Variants in DNAH7 observed in about 807,000 individuals in gnomAD.
DNAH7 encodes dynein axonemal heavy chain 7, also known as axonemal beta dynein heavy chain 7.
Under a neutral mutation model 444.6 loss-of-function variants are expected in DNAH7, and 397 were observed. The ratio of observed to expected loss-of-function variants is 0.89; its 90% CI spans 0.82 to 0.97. The LOEUF (loss-of-function observed/expected upper bound fraction) is 0.97. DNAH7 is among the 50% of genes least tolerant of loss of function. The pLI is 0.00. For synonymous variants in DNAH7, 1,636 were observed against 1,624.4 expected (o/e 1.01, Z -0.17); for missense variants, 4,902 against 4,800.8 (o/e 1.02, Z -0.62).
intron 18 of DNAH7, among the ~76,000 whole-genome samples, chr2:195,959,085 T>TAA (rs1317182789): frequency 8.9e-4 from 136 of 152,012 alleles, no homozygotes; most frequent in African/African-American, 2.8e-3. Flanking sequence ...ATTAATTAAT[T>TAA]TAATTAAATA....
intron 46 of DNAH7, 65 bp downstream of exon 46, chr2:195,853,278 C>A: frequency 4.9e-6 from 7 of 1,435,828 alleles, no homozygotes; most frequent in African/African-American, 1.4e-5. Flanking sequence ...TAAAACAAAA[C>A]CTTGAAGGGT....
rs1559196248 is a variant in DNAH7 at position 195,895,063 on chromosome 2, A to G, written c.4809T>C (p.His1603=). The G allele has an allele frequency of 1.2e-6, 2 of 1,613,618 alleles. No homozygotes were observed. Among genetic ancestry groups the G allele is most frequent in the African/African-American group, 2.7e-5 (2 of 75,048 alleles). The change falls in exon 30 of 65, where the codon CAT becomes CAC. Residue 1603 remains histidine, a synonymous_variant. Transcript: ENST00000312428. ...ATGGTTCTCCAACAATCATAAAACCATGACGCACAATCATCATTTCATATA... is the reference window on the plus strand; with the variant it reads ...ATGGTTCTCCAACAATCATAAAACCGTGACGCACAATCATCATTTCATATA... ...LQVYEMMIVR[H]GFMIVGEPFG...
intron 58 of DNAH7, among the ~76,000 whole-genome samples, chr2:195,778,633 T>TAA (rs1187749777): frequency 7.6e-4 from 23 of 30,290 alleles, no homozygotes; most frequent in East Asian, 3.3e-3. Context: ...AAAAAAAAAA[T>TAA]AAATAAATAA....
chr2:195,865,366 AGTACCCAGGGG>A (rs1480840073), intron 40 of DNAH7, among the ~76,000 whole-genome samples: 1 of 152,222 alleles, frequency 6.6e-6, no homozygotes, highest in Admixed American at 6.5e-5. Flanking sequence ...GCTGGGCACC[AGTACCCAGGGG>A]GTACCCAACA....
At chr2:195,928,555 T>C (rs1688488743) in intron 21 of DNAH7, among the ~76,000 whole-genome samples, 1 of 152,146 alleles carries the variant, frequency 6.6e-6, no homozygotes, top group African/African-American at 2.4e-5. Flanking sequence ...TGAAAACTCA[T>C]CTTCTTTGGC....
intron 12 of DNAH7, among the ~76,000 whole-genome samples, chr2:195,998,163 T>C (rs1404479326): frequency 6.6e-6 from 1 of 152,160 alleles, no homozygotes; most frequent in Non-Finnish European, 1.5e-5. Context: ...TCCTGAGAAG[T>C]TTCAATTAAC....
intron 63 of DNAH7, among the ~76,000 whole-genome samples, chr2:195,754,102 T>G (rs1223299792): frequency 1.3e-5 from 2 of 152,190 alleles, no homozygotes; most frequent in Non-Finnish European, 2.9e-5. Context: ...TCATCTACTG[T>G]TATCATTTTC....
chr2:195,949,833 G>A (rs928400914), intron 19 of DNAH7, among the ~76,000 whole-genome samples: 2 of 152,136 alleles, frequency 1.3e-5, no homozygotes, highest in Non-Finnish European at 2.9e-5. Context: ...TTTTATCAAA[G>A]GTCTTTTCTG....
chr2:196,042,987 T>C (rs1036027804), intron 5 of DNAH7, among the ~76,000 whole-genome samples: 2 of 152,058 alleles, frequency 1.3e-5, no homozygotes, highest in Non-Finnish European at 2.9e-5. Context: ...ATTGCAGTTA[T>C]ATGAAATTTT....
chr2:195,894,197 T>C (rs536783014), intron 30 of DNAH7: 1 of 152,278 alleles, frequency 6.6e-6, no homozygotes, highest in East Asian at 1.9e-4. Context: ...AAGCTATTTA[T>C]TCTCTATAGA....
At chr2:195,975,731 C>A (rs963903897) in intron 15 of DNAH7, among the ~76,000 whole-genome samples, 3 of 152,134 alleles carry the variant, frequency 2.0e-5, no homozygotes, top group Non-Finnish European at 4.4e-5. Context: ...TCAGCCACAG[C>A]AGGATAGGGC....
chr2:195,825,240 A>T (rs1341151328), intron 48 of DNAH7: 4 of 151,576 alleles, frequency 2.6e-5, no homozygotes, highest in Non-Finnish European at 5.9e-5. Flanking sequence ...CTTGGGCCAC[A>T]GAGCAATATC....
At chr2:196,035,114 G>A (rs556949322) in intron 5 of DNAH7, among the ~76,000 whole-genome samples, 20 of 152,110 alleles carry the variant, frequency 1.3e-4, no homozygotes, top group Non-Finnish European at 2.5e-4. Flanking sequence ...CCCAGGAGGC[G>A]GAGGTTGCAG....
At position 195,816,663 on chromosome 2, in the gene DNAH7, A is replaced by T. The variant is rs774783654; in HGVS notation, c.9726T>A (p.Ile3242=). ...AAATTTCTGATTTCTCTGAATTTTCAATAGACAGGATGAAAAGGTTAATAA... is the reference window on the plus strand; with the variant it reads ...AAATTTCTGATTTCTCTGAATTTTCTATAGACAGGATGAAAAGGTTAATAA... ...TWFINLFILS[I]ENSEKSEILA... is the part of the protein sequence containing the mutation. The change falls in exon 51 of 65, where the codon ATT becomes ATA. Residue 3242 remains isoleucine (I), a synonymous_variant. Coordinates refer to ENST00000312428, the MANE Select transcript of DNAH7 (RefSeq NM_018897.3). 58 of 1,613,158 alleles carry T rather than the reference A, an allele frequency of 3.6e-5. No homozygotes were observed. The highest frequency in any genetic ancestry group is 4.7e-5 in the Non-Finnish European group (56 of 1,179,742).
intron 24 of DNAH7, among the ~76,000 whole-genome samples, chr2:195,920,188 C>A (rs933935638): frequency 6.6e-6 from 1 of 152,058 alleles, no homozygotes; most frequent in Non-Finnish European, 1.5e-5. Flanking sequence ...CATGGTCATA[C>A]TTCACAGAAC....
intron 63 of DNAH7, among the ~76,000 whole-genome samples, chr2:195,745,579 GA>G (rs1693347025): frequency 1.3e-5 from 2 of 151,842 alleles, no homozygotes; most frequent in Non-Finnish European, 1.5e-5. Context: ...GGAAATGAAG[GA>G]AAAAATCTTA....
intron 61 of DNAH7, 126 bp downstream of exon 61, chr2:195,771,534 T>C (rs1694839394): frequency 1.4e-6 from 1 of 702,526 alleles, no homozygotes; most frequent in Admixed American, 2.8e-5. Flanking sequence ...AATTATTTTC[T>C]AATCTTATTT....
chr2:195,921,699 A>T (rs1424564424), intron 24 of DNAH7, among the ~76,000 whole-genome samples: 2 of 152,200 alleles, frequency 1.3e-5, no homozygotes, highest in Admixed American at 6.5e-5. Context: ...TAAAGAACTT[A>T]TCCATGTAAC....
chr2:195,818,586 C>T (rs1203894199), intron 49 of DNAH7, among the ~76,000 whole-genome samples: 1 of 152,142 alleles, frequency 6.6e-6, no homozygotes, highest in Non-Finnish European at 1.5e-5. Context: ...TATGGAATAA[C>T]CTCTCTTTGG....
Sources: allele counts gnomAD v4.1 joint callset (sites outside exome capture counted in the v4.1 genomes callset), GRCh38; gene constraint gnomAD v4.1.1; transcripts MANE v1.5; gene names NCBI Gene and HGNC (gene_info 2026-07-23, HGNC 2026-07-21).